Variants in CNGB3 observed in about 807,000 individuals in gnomAD.
The protein encoded by CNGB3 is cyclic nucleotide gated channel subunit beta 3.
In CNGB3, 86 loss-of-function variants were observed where a neutral mutation model predicts 92.8. The ratio of observed to expected loss-of-function variants is 0.93; its 90% CI spans 0.78 to 1.11. The LOEUF (loss-of-function observed/expected upper bound fraction) is 1.11. Ranked by LOEUF, CNGB3 falls within the 50% of genes least tolerant of loss-of-function variation. The probability of loss-of-function intolerance (pLI) is 0.00; values close to 1 mark genes in which losing one functional copy is unlikely to be tolerated. For missense variants in CNGB3, 1,026 were observed against 956.8 expected (o/e 1.07, Z -0.95); for synonymous variants, 333 against 332.7 (o/e 1.00, Z -0.01).
At chr8:86,649,577 G>A (rs1248642582) in intron 7 of CNGB3, among the ~76,000 whole-genome samples, 4 of 151,566 alleles carry the variant, frequency 2.6e-5, no homozygotes, top group Non-Finnish European at 5.9e-5. Context: ...AAATGGTGCT[G>A]GGAAAACTGG....
intron 13 of CNGB3, among the ~76,000 whole-genome samples, chr8:86,612,646 CT>C: frequency 6.6e-6 from 1 of 152,288 alleles, no homozygotes. Flanking sequence ...GAAATTTAGA[CT>C]TCAGGGTTGC....
rs1392468768 is a variant in CNGB3, at chr8:86,604,886, G to C, written c.1663-675C>G. Among the ~76,000 whole-genome samples, 11 of 152,286 alleles carry C rather than the reference G, an allele frequency of 7.2e-5. No homozygotes were observed. In the East Asian group the frequency reaches 2.1e-3, roughly 29 times the overall value. On this transcript the variant is annotated intron_variant, in intron 14 of 17. Coordinates refer to ENST00000320005, the MANE Select transcript of CNGB3 (RefSeq NM_019098.5). ...GAGCCAGTATAGCAGGATGTATCAGGCTGTCAACACTATTTAATATAATCA... is the reference window on the plus strand; with the variant it reads ...GAGCCAGTATAGCAGGATGTATCAGCCTGTCAACACTATTTAATATAATCA...
intron 3 of CNGB3, among the ~76,000 whole-genome samples, chr8:86,711,746 T>G (rs966911152): frequency 1.3e-5 from 2 of 151,996 alleles, no homozygotes; most frequent in Non-Finnish European, 2.9e-5. Flanking sequence ...GTACATCTAG[T>G]TTTTGGCAGC....
In CNGB3 at chr8:86,647,838, C is replaced by T; in HGVS notation, c.953G>A (p.Gly318Glu). 1 of 1,594,886 alleles carries T rather than the reference C, an allele frequency of 6.3e-7. No individual in the cohort carries two copies. The highest frequency in any genetic ancestry group is 8.6e-7 in the Non-Finnish European group (1 of 1,163,666). ...IPFDICYLFFGFNPMFRANRM... is the reference protein window; with the variant it reads ...IPFDICYLFFEFNPMFRANRM... ...ATTTGCTCTAAACATTGGATTAAAC[C>T]CAAAGAAGAGGTAGCAAATATCAAA... Residue 318 changes from glycine (G) to glutamate (E), a missense_variant, in exon 8 of 18, where the codon GGG becomes GAG. Physicochemically the swap from Gly to Glu is moderately conservative, Grantham distance 98. Coordinates refer to ENST00000320005, the MANE Select transcript of CNGB3 (RefSeq NM_019098.5).
chr8:86,738,330 G>A (rs1270445772), intron 2 of CNGB3, among the ~76,000 whole-genome samples: 1 of 152,118 alleles, frequency 6.6e-6, no homozygotes, highest in Non-Finnish European at 1.5e-5. Context: ...ATTTTGTCCT[G>A]CAGGCAATAT....
At chr8:86,659,972 G>A in intron 6 of CNGB3, 1 of 347,034 alleles carries the variant, frequency 2.9e-6, no homozygotes, top group Non-Finnish European at 5.9e-6. Context: ...GAAAGTCTTG[G>A]TTTCATCCAT....
At chr8:86,581,195 G>A (rs577874643) in intron 15 of CNGB3, among the ~76,000 whole-genome samples, 4 of 152,250 alleles carry the variant, frequency 2.6e-5, no homozygotes, top group Non-Finnish European at 4.4e-5. Context: ...GCAAACTACC[G>A]CCCCCAAATC....
intron 10 of CNGB3, among the ~76,000 whole-genome samples, chr8:86,642,540 C>T (rs1486884538): frequency 2.0e-5 from 3 of 151,522 alleles, no homozygotes; most frequent in Admixed American, 6.6e-5. Context: ...AGTTATTTTC[C>T]CTCTCTTTGC....
At chr8:86,612,660 G>A (rs1396092449) in intron 13 of CNGB3, among the ~76,000 whole-genome samples, 1 of 152,176 alleles carries the variant, frequency 6.6e-6, no homozygotes, top group Non-Finnish European at 1.5e-5. Flanking sequence ...AGGGTTGCTT[G>A]ACTGATAAGG....
At chr8:86,726,680 G>C (rs758655614) in intron 2 of CNGB3, 23 bp from the exon 3 acceptor site, 1 of 1,612,614 alleles carries the variant, frequency 6.2e-7, no homozygotes, top group Admixed American at 1.7e-5. Context: ...AATTCACATA[G>C]ATAGAAGAAT....
At chr8:86,637,804 G>T (rs1435057843) in intron 10 of CNGB3, among the ~76,000 whole-genome samples, 1 of 152,078 alleles carries the variant, frequency 6.6e-6, no homozygotes, top group Non-Finnish European at 1.5e-5. Context: ...GCATATACCT[G>T]TGTAACAAAA....
chr8:86,695,692 A>C (rs111991843), intron 3 of CNGB3, among the ~76,000 whole-genome samples: 5 of 152,028 alleles, frequency 3.3e-5, no homozygotes, highest in Non-Finnish European at 7.4e-5. Flanking sequence ...GTTTGGATCC[A>C]TTGCTGGAGA....
chr8:86,724,835 G>A (rs1825032414), intron 3 of CNGB3, among the ~76,000 whole-genome samples: 3 of 152,030 alleles, frequency 2.0e-5, no homozygotes, highest in South Asian at 4.1e-4. Context: ...GCGGCAGGAG[G>A]GAACATGACA....
intron 6 of CNGB3, chr8:86,662,050 G>A (rs185950842): frequency 7.3e-5 from 21 of 288,364 alleles, no homozygotes; most frequent in African/African-American, 3.5e-4. Context: ...GGCTGCGAGG[G>A]TGCGCTGCTG....
chr8:86,659,712 C>T, intron 6 of CNGB3: 1 of 386,006 alleles, frequency 2.6e-6, no homozygotes, highest in Non-Finnish European at 5.1e-6. Context: ...CTGTCCATAA[C>T]TCTGCCTTCT....
At chr8:86,716,987 T>A (rs1264259870) in intron 3 of CNGB3, among the ~76,000 whole-genome samples, 2 of 152,092 alleles carry the variant, frequency 1.3e-5, no homozygotes, top group Non-Finnish European at 2.9e-5. Context: ...ACCTAACACA[T>A]AATGACTCAC....
chr8:86,583,007 C>G, intron 15 of CNGB3, among the ~76,000 whole-genome samples: 1 of 12,358 alleles, frequency 8.1e-5, no homozygotes, highest in Non-Finnish European at 1.8e-4. Context: ...ACAATCTTGG[C>G]TTACTGCAAC....
intron 2 of CNGB3, among the ~76,000 whole-genome samples, chr8:86,734,586 T>C (rs1825212636): frequency 6.6e-6 from 1 of 152,196 alleles, no homozygotes; most frequent in Non-Finnish European, 1.5e-5. Context: ...CTAAATTTGG[T>C]AAGAATTCAG....
chr8:86,598,034 G>A (rs951665198), intron 15 of CNGB3, among the ~76,000 whole-genome samples: 1 of 152,116 alleles, frequency 6.6e-6, no homozygotes, highest in Admixed American at 6.5e-5. Context: ...AATAAAGAGA[G>A]CAAGGCGAGT....
Sources: gnomAD v4.1 joint callset for allele counts (sites outside exome capture counted in the v4.1 genomes callset) on GRCh38, gnomAD v4.1.1 for gene constraint, MANE v1.5 for transcripts, NCBI Gene and HGNC (gene_info 2026-07-23, HGNC 2026-07-21) for gene names.